Variants in ZC3H12B observed in about 807,000 individuals in gnomAD.
ZC3H12B encodes the protein probable ribonuclease ZC3H12B.
Under a neutral mutation model 43.9 loss-of-function variants are expected in ZC3H12B, and 7 were observed. The ratio of observed to expected loss-of-function variants is 0.16; its 90% CI spans 0.09 to 0.30. The LOEUF is 0.30. ZC3H12B is among the 10% of genes least tolerant of loss of function. The pLI is 1.00. For synonymous variants in ZC3H12B, 222 were observed against 241.7 expected (o/e 0.92, Z 0.76); for missense variants, 475 against 670.2 (o/e 0.71, Z 3.22).
the ZC3H12B span, among the ~76,000 whole-genome samples, chrX:65,234,933 C>A: frequency 1.8e-5 from 2 of 112,078 alleles, no homozygotes; most frequent in East Asian, 2.8e-4. Context: ...TAACTGAGAA[C>A]ATACAGTGTT....
chrX:65,299,289 G>A, the ZC3H12B span, among the ~76,000 whole-genome samples: 2 of 111,736 alleles, frequency 1.8e-5, no homozygotes, highest in Non-Finnish European at 3.8e-5. Context: ...TTCATTTTGT[G>A]AGGCCGTCAT....
At chrX:65,335,516 A>C in the ZC3H12B span, among the ~76,000 whole-genome samples, 124 of 112,013 alleles carry the variant, frequency 1.1e-3, 3 homozygotes, top group South Asian at 0.045. Flanking sequence ...GAGTTTTTAC[A>C]AAATCTAGAC....
intron 3 of ZC3H12B, among the ~76,000 whole-genome samples, chrX:65,437,183 C>G (rs373864527): frequency 1.4e-4 from 15 of 110,779 alleles, no homozygotes; most frequent in East Asian, 1.1e-3. Context: ...GAAACCTGAC[C>G]TATAGTGATC....
chrX:65,093,014 T>C, the ZC3H12B span, among the ~76,000 whole-genome samples: 187 of 111,939 alleles, frequency 1.7e-3, no homozygotes, highest in African/African-American at 5.6e-3. Context: ...AGTGCCCTTC[T>C]GCCCTGCACA....
At chrX:65,041,712 T>C in the ZC3H12B span, among the ~76,000 whole-genome samples, 3 of 112,401 alleles carry the variant, frequency 2.7e-5, no homozygotes, top group South Asian at 1.1e-3. Flanking sequence ...AGTCTTTGTA[T>C]GTTGATGGTG....
At chrX:65,042,299 A>C in the ZC3H12B span, among the ~76,000 whole-genome samples, 2 of 112,506 alleles carry the variant, frequency 1.8e-5, no homozygotes, top group African/African-American at 6.4e-5. Flanking sequence ...TTGTGTATTT[A>C]TGGATGAGAG....
At chrX:65,058,160 G>A in the ZC3H12B span, among the ~76,000 whole-genome samples, 1 of 111,811 alleles carries the variant, frequency 8.9e-6, no homozygotes, top group East Asian at 2.8e-4. Flanking sequence ...GAGGTGCTGT[G>A]ATTTTTAGAA....
chrX:65,426,610 C>T (rs1268337797), intron 3 of ZC3H12B, among the ~76,000 whole-genome samples: 1 of 110,774 alleles, frequency 9.0e-6, no homozygotes, highest in East Asian at 2.8e-4. Flanking sequence ...GCATTTAGTG[C>T]TATAAATTTC....
At chrX:65,246,694 G>T in the ZC3H12B span, among the ~76,000 whole-genome samples, 1 of 112,199 alleles carries the variant, frequency 8.9e-6, no homozygotes, top group Non-Finnish European at 1.9e-5. Flanking sequence ...TGGGGAACTG[G>T]CTAGCAATAT....
the ZC3H12B span, among the ~76,000 whole-genome samples, chrX:65,127,159 G>T: frequency 3.6e-5 from 4 of 111,248 alleles, no homozygotes; most frequent in Admixed American, 9.5e-5. Context: ...GGGATTCAAG[G>T]GCTGCTGTTC....
rs2067330426 is a variant in ZC3H12B at position 65,443,376 on chromosome X, A to G, written n.407+44672A>G. 4.5e-5 allele frequency among the ~76,000 whole-genome samples: 5 copies of G among 111,034 alleles called. No homozygotes were observed. In the Admixed American group the frequency reaches 4.8e-4, roughly 11 times the overall value. ...AGCTCGGCTGGGGAGACCCTAACCT[A>G]GAGGCCGACCCTAACCCAGAGGCGC... On this transcript the variant is annotated intron_variant and non_coding_transcript_variant, in intron 3 of 5. Transcript: ENST00000617377.
intron 3 of ZC3H12B, among the ~76,000 whole-genome samples, chrX:65,438,200 T>C (rs2067245345): frequency 8.9e-6 from 1 of 111,787 alleles, no homozygotes; most frequent in African/African-American, 3.3e-5. Context: ...GCTTTGGCTA[T>C]TCTGGGTCCT....
chrX:65,386,869 C>T (rs7050092), intron 2 of ZC3H12B, among the ~76,000 whole-genome samples: 1 of 110,751 alleles, frequency 9.0e-6, no homozygotes, highest in Non-Finnish European at 1.9e-5. Context: ...TGGTTTCAAA[C>T]AACGTCTTTA....
chrX:65,268,752 A>G, the ZC3H12B span, among the ~76,000 whole-genome samples: 1 of 112,021 alleles, frequency 8.9e-6, no homozygotes, highest in Non-Finnish European at 1.9e-5. Flanking sequence ...AAATCCTTCA[A>G]CATAATAAAG....
chrX:65,037,754 A>C, the ZC3H12B span, among the ~76,000 whole-genome samples: 2 of 110,868 alleles, frequency 1.8e-5, no homozygotes, highest in African/African-American at 6.5e-5. Flanking sequence ...TGATAAAATA[A>C]ATTAGGGAAA....
At chrX:65,154,796 G>T in the ZC3H12B span, among the ~76,000 whole-genome samples, 1 of 111,434 alleles carries the variant, frequency 9.0e-6, no homozygotes, top group Non-Finnish European at 1.9e-5. Context: ...AGTGAGCTGT[G>T]TTTACCACTG....
At chrX:65,273,349 A>G in the ZC3H12B span, among the ~76,000 whole-genome samples, 1 of 111,242 alleles carries the variant, frequency 9.0e-6, no homozygotes, top group Non-Finnish European at 1.9e-5. Flanking sequence ...AGTGGACTAG[A>G]TCAAACAGAA....
At chrX:65,468,256 T>C (rs1222575835) in intron 3 of ZC3H12B, among the ~76,000 whole-genome samples, 1 of 111,249 alleles carries the variant, frequency 9.0e-6, no homozygotes, top group Non-Finnish European at 1.9e-5. Context: ...TGAAGATCAG[T>C]TGGTTGTAAG....
At chrX:65,045,312 C>T in the ZC3H12B span, among the ~76,000 whole-genome samples, 1 of 112,036 alleles carries the variant, frequency 8.9e-6, no homozygotes, top group Non-Finnish European at 1.9e-5. Flanking sequence ...ACATTTTACC[C>T]ACTGTAGAAC....
Sources: gnomAD v4.1 joint callset for allele counts (sites outside exome capture counted in the v4.1 genomes callset) on GRCh38, gnomAD v4.1.1 for gene constraint, MANE v1.5 for transcripts, NCBI Gene and HGNC (gene_info 2026-07-23, HGNC 2026-07-21) for gene names.